Variants in PDE1A observed in about 807,000 individuals in gnomAD.
PDE1A encodes dual specificity calcium/calmodulin-dependent 3',5'-cyclic nucleotide phosphodiesterase 1A.
In PDE1A, 35 loss-of-function variants were observed where a neutral mutation model predicts 61.7. The ratio of observed to expected loss-of-function variants is 0.57; its 90% CI spans 0.43 to 0.75. The LOEUF (loss-of-function observed/expected upper bound fraction) is 0.75. Among genes scored for constraint, PDE1A ranks in the 30% least tolerant of loss-of-function variants. PDE1A has a pLI of 0.00. For missense variants in PDE1A, 597 were observed against 630.6 expected (o/e 0.95, Z 0.57); for synonymous variants, 232 against 213.2 (o/e 1.09, Z -0.77).
chr2:182,425,909 T>C (rs1205382766), intron 1 of PDE1A, among the ~76,000 whole-genome samples: 1 of 152,222 alleles, frequency 6.6e-6, no homozygotes, highest in African/African-American at 2.4e-5. Context: ...AAGTACATAA[T>C]AGGTAACTAA....
chr2:182,423,947 C>CTT lies in PDE1A; in HGVS notation c.53+2629_53+2630dup, dbSNP rs562590310. On this transcript the variant is annotated intron_variant, in intron 1 of 13. Coordinates refer to ENST00000351439, the Ensembl canonical transcript of PDE1A. ...TCAAAAAAAAAAATCCTGGATTAAC[C>CTT]TTTTTTTTTTTTTTTTTGATGGGGT... Among the ~76,000 whole-genome samples, 477 of 134,298 alleles carry CTT rather than the reference C, an allele frequency of 3.6e-3. 3 individuals are homozygous for CTT. The highest frequency in any genetic ancestry group is 0.012 in the African/African-American group (429 of 35,636). 88.1% of individuals were successfully genotyped at this position (134,298 alleles called of 152,430 possible). A position where few individuals can be genotyped will look rare whatever the true frequency, so the allele number is the denominator to read the frequency against.
chr2:182,352,465 A>C (rs998692719), intron 1 of PDE1A, among the ~76,000 whole-genome samples: 3 of 152,230 alleles, frequency 2.0e-5, no homozygotes, highest in Admixed American at 6.5e-5. Context: ...AAGAAGGGTT[A>C]AATCTATTCT....
chr2:182,388,522 C>A (rs75007806), intron 1 of PDE1A, among the ~76,000 whole-genome samples: 3,189 of 152,112 alleles, frequency 0.021, 115 homozygotes, highest in African/African-American at 0.073. Flanking sequence ...AACAGCAAGA[C>A]TTTCAGAAGA....
the PDE1A span, among the ~76,000 whole-genome samples, chr2:182,678,103 G>A: frequency 6.6e-6 from 1 of 152,318 alleles, no homozygotes; most frequent in African/African-American, 2.4e-5. Flanking sequence ...AGATTGTATA[G>A]GATGTATTAG....
At chr2:182,338,088 C>CT (rs1305041044) in intron 1 of PDE1A, among the ~76,000 whole-genome samples, 1 of 152,146 alleles carries the variant, frequency 6.6e-6, no homozygotes, top group Non-Finnish European at 1.5e-5. Context: ...AGAGGTAAGT[C>CT]TACAGAGAAG....
chr2:182,635,947 A>ATTT, the PDE1A span, among the ~76,000 whole-genome samples: 5,061 of 55,326 alleles, frequency 0.091, 806 homozygotes, highest in Middle Eastern at 0.15. Context: ...TCTCACCGGT[A>ATTT]TTTTTTTTTT....
chr2:182,605,542 T>A, the PDE1A span, among the ~76,000 whole-genome samples: 1 of 152,364 alleles, frequency 6.6e-6, no homozygotes, highest in Non-Finnish European at 1.5e-5. Context: ...ATGGATGGCC[T>A]CGTGAAATAC....
At chr2:182,649,043 T>C in the PDE1A span, among the ~76,000 whole-genome samples, 2 of 151,804 alleles carry the variant, frequency 1.3e-5, no homozygotes, top group African/African-American at 4.8e-5. Context: ...AATGGAAAAA[T>C]TGTGAGGTGT....
At chr2:182,609,289 G>A in the PDE1A span, among the ~76,000 whole-genome samples, 2 of 152,130 alleles carry the variant, frequency 1.3e-5, no homozygotes, top group African/African-American at 2.4e-5. Context: ...CAGACCAATC[G>A]GCTCTCTGTA....
chr2:182,357,576 G>C (rs1699268787), intron 1 of PDE1A, among the ~76,000 whole-genome samples: 1 of 151,950 alleles, frequency 6.6e-6, no homozygotes, highest in Non-Finnish European at 1.5e-5. Context: ...CAGAAAGTGT[G>C]TTTATTTATT....
upstream of PDE1A, among the ~76,000 whole-genome samples, chr2:182,527,751 G>A (rs1332134499): frequency 6.6e-6 from 1 of 152,028 alleles, no homozygotes; most frequent in Non-Finnish European, 1.5e-5. Flanking sequence ...ATTCCCATGT[G>A]TTGTGGGAGG....
At chr2:182,392,183 G>T (rs905005606) in intron 1 of PDE1A, among the ~76,000 whole-genome samples, 1 of 152,110 alleles carries the variant, frequency 6.6e-6, no homozygotes, top group African/African-American at 2.4e-5. Flanking sequence ...AGGTTTAATG[G>T]ACTCACAGTA....
At chr2:182,291,267 A>G (rs1159463258) in intron 1 of PDE1A, among the ~76,000 whole-genome samples, 1 of 152,076 alleles carries the variant, frequency 6.6e-6, no homozygotes, top group African/African-American at 2.4e-5. Context: ...CAGTCTTCCT[A>G]TTGCCTTCAG....
chr2:182,286,099 T>C (rs1483643483), intron 1 of PDE1A, among the ~76,000 whole-genome samples: 3 of 152,168 alleles, frequency 2.0e-5, no homozygotes. Context: ...GCCCAATTAA[T>C]GCTAATTTAA....
intron 2 of PDE1A, among the ~76,000 whole-genome samples, chr2:182,253,622 G>T (rs137959550): frequency 5.7e-4 from 87 of 152,258 alleles, no homozygotes; most frequent in African/African-American, 1.8e-3. Flanking sequence ...TAGTGAACTG[G>T]AGAACAATAA....
intron 2 of PDE1A, among the ~76,000 whole-genome samples, chr2:182,258,675 G>A (rs952987988): frequency 1.3e-5 from 2 of 152,140 alleles, no homozygotes; most frequent in African/African-American, 4.8e-5. Flanking sequence ...TTTAAGAATA[G>A]GCAGGGAGAG....
the PDE1A span, among the ~76,000 whole-genome samples, chr2:182,625,044 G>C: frequency 6.6e-6 from 1 of 152,070 alleles, no homozygotes; most frequent in Non-Finnish European, 1.5e-5. Flanking sequence ...AGATGAGATC[G>C]TGAGAATGGT....
At chr2:182,229,934 A>G in intron 6 of PDE1A, 72 bp downstream of exon 6, 2 of 1,195,726 alleles carry the variant, frequency 1.7e-6, no homozygotes, top group Non-Finnish European at 2.4e-6. Flanking sequence ...TAAAGAGACA[A>G]TAGAAACTTA....
At chr2:182,681,733 C>A in the PDE1A span, among the ~76,000 whole-genome samples, 1 of 152,264 alleles carries the variant, frequency 6.6e-6, no homozygotes, top group Admixed American at 6.5e-5. Context: ...GCAAGCTCCA[C>A]CTTCCGGGTT....
Sources: allele counts gnomAD v4.1 joint callset (sites outside exome capture counted in the v4.1 genomes callset), GRCh38; gene constraint gnomAD v4.1.1; transcripts MANE v1.5; gene names NCBI Gene and HGNC (gene_info 2026-07-23, HGNC 2026-07-21).